The following FRMPD1 variants were observed in gnomAD, a reference collection of about 807,000 sequenced individuals.
FRMPD1 encodes FERM and PDZ domain containing 1, also known as FERM and PDZ domain-containing protein 1.
FRMPD1 carries 76 observed loss-of-function variants against 117.8 expected under a neutral mutation model. The ratio of observed to expected loss-of-function variants is 0.65; its 90% confidence interval spans 0.54 to 0.78. FRMPD1 has a LOEUF of 0.78. FRMPD1 is among the 30% of genes least tolerant of loss of function. The pLI is 0.00. For missense variants in FRMPD1, 1,786 were observed against 1,964.5 expected (o/e 0.91, Z 1.72); for synonymous variants, 783 against 770.4 (o/e 1.02, Z -0.27).
chr9:37,631,814 G>A, the FRMPD1 span, among the ~76,000 whole-genome samples: 1 of 152,118 alleles, frequency 6.6e-6, no homozygotes, highest in Non-Finnish European at 1.5e-5. Flanking sequence ...ATGTTGCCCA[G>A]GCTGGTCTCA....
the FRMPD1 span, among the ~76,000 whole-genome samples, chr9:37,612,126 TG>T: frequency 6.6e-6 from 1 of 152,118 alleles, no homozygotes; most frequent in African/African-American, 2.4e-5. Flanking sequence ...ATCCCAGGGG[TG>T]TGATGTGGAT....
intron 1 of FRMPD1, 74 bp from the exon 2 acceptor site, chr9:37,692,564 C>G: frequency 2.1e-6 from 2 of 940,132 alleles, no homozygotes; most frequent in East Asian, 2.4e-5. Flanking sequence ...ATAAAGGAAG[C>G]ATCGTCCTGA....
chr9:37,683,785 A>C (rs1029179266), intron 1 of FRMPD1, among the ~76,000 whole-genome samples: 15 of 150,750 alleles, frequency 1.0e-4, no homozygotes, highest in Non-Finnish European at 1.6e-4. Flanking sequence ...AGGCAGGGCC[A>C]GATCACAAAA....
At chr9:37,609,640 C>T in the FRMPD1 span, among the ~76,000 whole-genome samples, 1 of 152,200 alleles carries the variant, frequency 6.6e-6, no homozygotes, top group African/African-American at 2.4e-5. Flanking sequence ...CCCTCACCCC[C>T]TTCAAGTCTG....
At chr9:37,726,591 G>A (rs1205044580) in intron 7 of FRMPD1, among the ~76,000 whole-genome samples, 1 of 152,094 alleles carries the variant, frequency 6.6e-6, no homozygotes, top group African/African-American at 2.4e-5. Flanking sequence ...CCAGCTACTT[G>A]GGAGGCTGAG....
At chr9:37,667,873 G>A (rs1479422032) in intron 1 of FRMPD1, 1 of 152,230 alleles carries the variant, frequency 6.6e-6, no homozygotes, top group African/African-American at 2.4e-5. Flanking sequence ...TGTGAGGCTG[G>A]GCAAGTTATT....
intron 1 of FRMPD1, among the ~76,000 whole-genome samples, chr9:37,682,625 G>A (rs1821768430): frequency 6.6e-6 from 1 of 152,154 alleles, no homozygotes; most frequent in South Asian, 2.1e-4. Flanking sequence ...TTATCTGGAG[G>A]GAGGTTAGAA....
the FRMPD1 span, chr9:37,637,170 C>T: frequency 8.1e-6 from 13 of 1,610,260 alleles, no homozygotes; most frequent in Admixed American, 3.3e-5. Context: ...AAGTCCACCC[C>T]GATGGTGCTG....
chr9:37,730,494 A>G (rs1045413276), intron 8 of FRMPD1, among the ~76,000 whole-genome samples: 5 of 152,214 alleles, frequency 3.3e-5, no homozygotes, highest in Non-Finnish European at 7.3e-5. Context: ...TTCTTACCCA[A>G]TGCACTCACC....
chr9:37,720,904 G>A (rs902922279), intron 6 of FRMPD1, among the ~76,000 whole-genome samples: 3 of 152,182 alleles, frequency 2.0e-5, no homozygotes, highest in African/African-American at 2.4e-5. Context: ...ATTAAGTTTC[G>A]ATTCAACACA....
chr9:37,648,928 T>C (rs147888996), upstream of FRMPD1, among the ~76,000 whole-genome samples: 30 of 152,058 alleles, frequency 2.0e-4, no homozygotes, highest in African/African-American at 6.5e-4. Flanking sequence ...TAGAATTGCC[T>C]GGTGAGAGTG....
intron 1 of FRMPD1, among the ~76,000 whole-genome samples, chr9:37,667,817 C>T (rs1536257): frequency 0.095 from 14,486 of 152,112 alleles, 976 homozygotes; most frequent in African/African-American, 0.19. Context: ...GTCCATGAGC[C>T]GGCATGAGGG....
Position 37,746,389 on chromosome 9 carries a change from T to C in FRMPD1, c.4357T>C (p.Trp1453Arg). The C allele has an allele frequency of 1.2e-6, 2 of 1,612,940 alleles. No individual in the cohort carries two copies. Among genetic ancestry groups the C allele is most frequent in the South Asian group, 1.1e-5 (1 of 91,042 alleles). Reference sequence around the variant, plus strand: ...CAAACATCCCCCAGAGAAGTGCACCTGGCACTTTACCGAAAGCCGGAGCCG... The same window carrying C: ...CAAACATCCCCCAGAGAAGTGCACCCGGCACTTTACCGAAAGCCGGAGCCG... ...GNKHPPEKCT[W>R]HFTESRSRLC... Residue 1453 changes from tryptophan (W) to arginine (R), a missense_variant, in exon 16 of 16, where the codon TGG becomes CGG. Physicochemically the swap from Trp to Arg is moderately radical, Grantham distance 101. Transcript: ENST00000377765.
the FRMPD1 span, among the ~76,000 whole-genome samples, chr9:37,629,935 T>A: frequency 6.6e-6 from 1 of 152,164 alleles, no homozygotes; most frequent in Non-Finnish European, 1.5e-5. Context: ...AAGTTCAATA[T>A]CAGGGTGTCA....
At chr9:37,710,850 C>T (rs552125117) in intron 4 of FRMPD1, among the ~76,000 whole-genome samples, 4 of 150,546 alleles carry the variant, frequency 2.7e-5, no homozygotes, top group Admixed American at 6.7e-5. Flanking sequence ...CCCAGCTACT[C>T]GGGAGGCTGA....
chr9:37,659,290 A>G (rs1265580545), intron 1 of FRMPD1, among the ~76,000 whole-genome samples: 2 of 152,116 alleles, frequency 1.3e-5, no homozygotes, highest in African/African-American at 4.8e-5. Context: ...CTGGCCTCAG[A>G]TCCTCAGGCC....
intron 1 of FRMPD1, among the ~76,000 whole-genome samples, chr9:37,658,799 G>A (rs1036381594): frequency 2.0e-5 from 3 of 152,138 alleles, no homozygotes; most frequent in Non-Finnish European, 4.4e-5. Context: ...TTAATTATAG[G>A]TGTAAAAATC....
Position 37,746,411 on chromosome 9 carries a change from G to A in FRMPD1, c.4379G>A (p.Ser1460Asn). 2 of 1,613,300 alleles carry A rather than the reference G, an allele frequency of 1.2e-6. No homozygotes were observed. The highest frequency in any genetic ancestry group is 4.5e-5 in the East Asian group (2 of 44,868). The part of the protein sequence containing the change: ...KCTWHFTESR[S>N]RLCMGSQKLL... ...ACCTGGCACTTTACCGAAAGCCGGA[G>A]CCGCCTCTGCATGGGCTCCCAGAAG... Residue 1460 changes from serine (S) to asparagine (N), a missense_variant, in exon 16 of 16, where the codon AGC becomes AAC. By Grantham distance (46) the Ser-to-Asn change is conservative. Transcript: ENST00000377765.
the FRMPD1 span, among the ~76,000 whole-genome samples, chr9:37,604,093 T>C: frequency 3.3e-4 from 50 of 152,332 alleles, no homozygotes; most frequent in African/African-American, 1.1e-3. Context: ...AGCAATGCAG[T>C]GTTTTTGAAT....
Sources: allele counts gnomAD v4.1 joint callset (sites outside exome capture counted in the v4.1 genomes callset), GRCh38; gene constraint gnomAD v4.1.1; transcripts MANE v1.5; gene names NCBI Gene and HGNC (gene_info 2026-07-23, HGNC 2026-07-21).